The following LIN28B variants were observed in gnomAD, a reference collection of about 807,000 sequenced individuals.
LIN28B encodes protein lin-28 homolog B.
In LIN28B, 5 loss-of-function variants were observed where a neutral mutation model predicts 21.9. That is an observed-to-expected ratio of 0.23 (90% confidence interval 0.12 to 0.48). LIN28B has a LOEUF of 0.48. Among genes scored for constraint, LIN28B ranks in the 20% least tolerant of loss-of-function variants. LIN28B has a pLI of 0.98. For missense variants in LIN28B, 245 were observed against 310.5 expected (o/e 0.79, Z 1.58); for synonymous variants, 109 against 111.3 (o/e 0.98, Z 0.13).
At chr6:104,954,155 G>A (rs545598330), upstream of LIN28B, among the ~76,000 whole-genome samples, 46 of 152,248 alleles carry the variant, frequency 3.0e-4, no homozygotes, top group African/African-American at 1.1e-3. Context: ...TTTGGCTTTT[G>A]CAGGAATAAA....
At chr6:105,023,266 ATTT>A (rs1179149908) in intron 2 of LIN28B, among the ~76,000 whole-genome samples, 1 of 56,940 alleles carries the variant, frequency 1.8e-5, no homozygotes, top group African/African-American at 6.2e-5. Flanking sequence ...TATAATTATT[ATTT>A]ATTATTATAT....
chr6:105,027,163 A>G (rs1469273684), intron 3 of LIN28B, among the ~76,000 whole-genome samples: 4 of 152,182 alleles, frequency 2.6e-5, no homozygotes, highest in Non-Finnish European at 5.9e-5. Context: ...TTGTCTGATT[A>G]TATCTTTAGG....
chr6:105,043,341 C>CAAAAAAAAA (rs57532096), intron 3 of LIN28B, among the ~76,000 whole-genome samples: 5 of 75,390 alleles, frequency 6.6e-5, no homozygotes, highest in Admixed American at 1.6e-4. Flanking sequence ...GACTCTGTCT[C>CAAAAAAAAA]AAAAAAAAAA....
At chr6:104,950,581 T>G (rs1778209667) in intron 3 of LIN28B, 1 of 872,172 alleles carries the variant, frequency 1.1e-6, no homozygotes, top group Admixed American at 4.3e-5. Flanking sequence ...GCTAGAGGCA[T>G]ATGAGAACCT....
At chr6:104,987,143 A>C (rs538264769) in intron 2 of LIN28B, among the ~76,000 whole-genome samples, 11 of 152,226 alleles carry the variant, frequency 7.2e-5, no homozygotes, top group African/African-American at 2.6e-4. Flanking sequence ...TTTCTCTGAG[A>C]GATGTTTTTG....
intron 2 of LIN28B, among the ~76,000 whole-genome samples, chr6:105,011,795 A>G (rs1317643548): frequency 6.6e-6 from 1 of 152,146 alleles, no homozygotes; most frequent in African/African-American, 2.4e-5. Context: ...CAGTTAGCTG[A>G]GATCGTGCCA....
chr6:105,016,251 A>G (rs1771022546), intron 2 of LIN28B, among the ~76,000 whole-genome samples: 1 of 152,204 alleles, frequency 6.6e-6, no homozygotes, highest in African/African-American at 2.4e-5. Context: ...AAAGGATAAA[A>G]ACAAAATACT....
intron 2 of LIN28B, among the ~76,000 whole-genome samples, chr6:105,000,648 A>C (rs1165779419): frequency 6.6e-6 from 1 of 151,632 alleles, no homozygotes; most frequent in Admixed American, 6.6e-5. Flanking sequence ...AAATAATTTA[A>C]ATAATAAAGA....
chr6:105,008,449 C>T (rs1227669359), intron 2 of LIN28B, among the ~76,000 whole-genome samples: 2 of 151,994 alleles, frequency 1.3e-5, no homozygotes, highest in African/African-American at 2.4e-5. Context: ...TCGAGACCAT[C>T]CTGGCTAACA....
intron 2 of LIN28B, among the ~76,000 whole-genome samples, chr6:104,947,787 T>A (rs1051741581): frequency 3.6e-4 from 53 of 149,234 alleles, no homozygotes; most frequent in African/African-American, 6.4e-4. Context: ...TTTTTTTTTT[T>A]ATAAAAGCCA....
chr6:104,942,928 A>G (rs55772848), intron 2 of LIN28B, among the ~76,000 whole-genome samples: 2,590 of 152,272 alleles, frequency 0.017, 75 homozygotes, highest in African/African-American at 0.06. Context: ...GAACTAAATG[A>G]TTCAATAATT....
upstream of LIN28B, among the ~76,000 whole-genome samples, chr6:104,956,155 T>C (rs1302139523): frequency 2.0e-5 from 3 of 151,864 alleles, no homozygotes; most frequent in Non-Finnish European, 4.4e-5. Context: ...CCGCGCCGGC[T>C]TTTTTTCTCT....
At chr6:105,018,120 T>G (rs1463045401) in intron 2 of LIN28B, among the ~76,000 whole-genome samples, 5 of 151,474 alleles carry the variant, frequency 3.3e-5, no homozygotes, top group African/African-American at 1.2e-4. Context: ...ACTCCGTCTC[T>G]ACAAAAAAAT....
At chr6:105,046,789 G>A (rs1045228469) in intron 3 of LIN28B, among the ~76,000 whole-genome samples, 1 of 152,148 alleles carries the variant, frequency 6.6e-6, no homozygotes, top group South Asian at 2.1e-4. Flanking sequence ...GTTTTTTCAT[G>A]TGTCTTTTGG....
At chr6:105,049,375 T>C (rs957442592) in intron 3 of LIN28B, among the ~76,000 whole-genome samples, 2 of 152,226 alleles carry the variant, frequency 1.3e-5, no homozygotes, top group African/African-American at 4.8e-5. Flanking sequence ...GACAGTTTGT[T>C]ATAATTTCTG....
At chr6:104,941,602 T>G (rs1402750607) in intron 2 of LIN28B, among the ~76,000 whole-genome samples, 2 of 151,572 alleles carry the variant, frequency 1.3e-5, no homozygotes, top group East Asian at 3.9e-4. Context: ...CGCACCTCCC[T>G]TTCGCGCTCC....
chr6:104,953,732 G>T (rs1230153135), upstream of LIN28B, among the ~76,000 whole-genome samples: 11 of 152,196 alleles, frequency 7.2e-5, no homozygotes, highest in Admixed American at 7.2e-4. Flanking sequence ...CGGCCGCCTG[G>T]GGAGCGACCT....
upstream of LIN28B, among the ~76,000 whole-genome samples, chr6:104,955,174 T>C (rs1438768341): frequency 6.6e-6 from 1 of 152,266 alleles, no homozygotes; most frequent in East Asian, 1.9e-4. Context: ...TCATTGAGAT[T>C]ACTTTCTTGT....
intron 2 of LIN28B, among the ~76,000 whole-genome samples, chr6:104,978,929 T>C (rs1770162360): frequency 3.3e-5 from 5 of 152,174 alleles, no homozygotes; most frequent in Admixed American, 3.3e-4. Context: ...GCAACTATTG[T>C]AAGTCTAGGA....
Sources: allele counts gnomAD v4.1 joint callset (sites outside exome capture counted in the v4.1 genomes callset), GRCh38; gene constraint gnomAD v4.1.1; transcripts MANE v1.5; gene names NCBI Gene and HGNC (gene_info 2026-07-23, HGNC 2026-07-21).